KCNK2: variants seen among roughly 807,000 people sequenced by gnomAD.
KCNK2 encodes potassium channel subfamily K member 2.
Under a neutral mutation model 40.5 loss-of-function variants are expected in KCNK2, and 21 were observed. The ratio of observed to expected loss-of-function variants is 0.52; its 90% CI spans 0.37 to 0.75. The LOEUF is 0.75. KCNK2 is among the 30% of genes least tolerant of loss of function. KCNK2 has a pLI of 0.00. For synonymous variants in KCNK2, 191 were observed against 202.2 expected (o/e 0.94, Z 0.47); for missense variants, 399 against 531.6 (o/e 0.75, Z 2.45).
rs545748018 is a variant in KCNK2, at chr1:215,129,045, C to T, written c.475+4295C>T. 2.6e-5 allele frequency among the ~76,000 whole-genome samples: 4 copies of T among 152,198 alleles called. No homozygotes were observed. In the South Asian group the frequency reaches 8.3e-4, roughly 32 times the overall value. ...ACCCAGGGAAGGAGGGATGTATTGA[C>T]TGGGATGATTGGAGTTGGTGTGGAA... On this transcript the variant is annotated intron_variant, in intron 3 of 6. Coordinates refer to ENST00000444842, the MANE Select transcript of KCNK2 (RefSeq NM_001017425.3).
intron 2 of KCNK2, among the ~76,000 whole-genome samples, chr1:215,109,514 C>T (rs1558095069): frequency 2.0e-5 from 3 of 151,950 alleles, no homozygotes; most frequent in Admixed American, 6.6e-5. Context: ...CCAGTTCTAT[C>T]CGTGTTGCTA....
rs570453640 is a variant in KCNK2, at chr1:215,236,585, T to C, written c.*1440T>C. 1.3e-5 allele frequency: 2 copies of C among 152,738 alleles called. No homozygotes were observed. Among genetic ancestry groups the C allele is most frequent in the Admixed American group, 6.5e-5 (1 of 15,286 alleles). The allele number at this position is 152,738 out of a possible 1,614,324, so 9.5% of individuals were successfully genotyped here. A position where few individuals can be genotyped will look rare whatever the true frequency, so the allele number is the denominator to read the frequency against. ...TTTAATTTTATATCCTGTAATTCTT[T>C]GGATGGTTCCAAGATTCAGAAAAAA... On this transcript the variant is annotated 3_prime_UTR_variant, in exon 7 of 7. Transcript: ENST00000444842.
intron 6 of KCNK2, among the ~76,000 whole-genome samples, chr1:215,232,822 A>G (rs1666725592): frequency 6.6e-6 from 1 of 152,238 alleles, no homozygotes; most frequent in Admixed American, 6.5e-5. Context: ...GGTAACCAAA[A>G]TAAACCTGAT....
intron 1 of KCNK2, among the ~76,000 whole-genome samples, chr1:215,062,633 T>G (rs1280632297): frequency 6.6e-6 from 1 of 151,228 alleles, no homozygotes; most frequent in Non-Finnish European, 1.5e-5. Context: ...GCTTAGAGTT[T>G]TATTTATGAT....
chr1:215,045,913 T>C (rs1657751304), intron 1 of KCNK2, among the ~76,000 whole-genome samples: 1 of 151,292 alleles, frequency 6.6e-6, no homozygotes, highest in Non-Finnish European at 1.5e-5. Flanking sequence ...AATTACTCTG[T>C]TGAAGAATTC....
chr1:215,085,952 C>T lies in KCNK2; in HGVS notation c.47-416C>T, dbSNP rs542530917. On this transcript the variant is annotated intron_variant, in intron 1 of 6. Coordinates refer to ENST00000444842, the MANE Select transcript of KCNK2 (RefSeq NM_001017425.3). ...GCTTGTGATATAAAGTTCTTGAGAACGAGAATAACCATGAGCCGTCTTCCT... is the reference window on the plus strand; with the variant it reads ...GCTTGTGATATAAAGTTCTTGAGAATGAGAATAACCATGAGCCGTCTTCCT... 9.4e-4 allele frequency among the ~76,000 whole-genome samples: 143 copies of T among 152,144 alleles called. 1 individual carries two copies. The highest frequency in any genetic ancestry group is 3.3e-3 in the African/African-American group (135 of 41,512).
chr1:215,012,406 T>G (rs1451950236), intron 1 of KCNK2, among the ~76,000 whole-genome samples: 1 of 152,132 alleles, frequency 6.6e-6, no homozygotes, highest in African/African-American at 2.4e-5. Flanking sequence ...TTGAATATCT[T>G]TTCATGTGTT....
intron 3 of KCNK2, among the ~76,000 whole-genome samples, chr1:215,148,346 A>T (rs578184648): frequency 1.3e-5 from 2 of 151,914 alleles, no homozygotes; most frequent in South Asian, 2.1e-4. Context: ...AAGTGCTGAG[A>T]TTACAGGCAT....
chr1:215,022,010 G>A (rs985728568), intron 1 of KCNK2, among the ~76,000 whole-genome samples: 1 of 150,202 alleles, frequency 6.7e-6, no homozygotes, highest in Non-Finnish European at 1.5e-5. Flanking sequence ...CAACTGTATT[G>A]TACCACCAGT....
chr1:215,012,133 G>T (rs1656420829), intron 1 of KCNK2, among the ~76,000 whole-genome samples: 1 of 152,104 alleles, frequency 6.6e-6, no homozygotes, highest in Non-Finnish European at 1.5e-5. Context: ...TAGTTTTTTT[G>T]TATAAATGCA....
intron 6 of KCNK2, among the ~76,000 whole-genome samples, chr1:215,207,213 G>A (rs1354582182): frequency 6.6e-6 from 1 of 152,200 alleles, no homozygotes. Context: ...CACAGCAGGA[G>A]GTGAACGGTG....
upstream of KCNK2, among the ~76,000 whole-genome samples, chr1:215,080,310 G>A (rs967699079): frequency 3.3e-5 from 5 of 152,116 alleles, no homozygotes; most frequent in Non-Finnish European, 5.9e-5. Flanking sequence ...AAACTCGGAG[G>A]GGGGAATGAA....
chr1:215,125,643 T>C (rs1661387789), intron 3 of KCNK2, among the ~76,000 whole-genome samples: 2 of 151,368 alleles, frequency 1.3e-5, no homozygotes, highest in Admixed American at 6.6e-5. Context: ...ATGTAAATGA[T>C]GAGTTAATGG....
intron 1 of KCNK2, among the ~76,000 whole-genome samples, chr1:215,060,312 C>A (rs1658323792): frequency 6.6e-6 from 1 of 152,168 alleles, no homozygotes; most frequent in Non-Finnish European, 1.5e-5. Flanking sequence ...CAGGCTGATA[C>A]TTCAGAGGCA....
At position 215,172,006 on chromosome 1, in the gene KCNK2, G is replaced by A. The variant is rs1663734401; in HGVS notation, c.646G>A (p.Val216Ile). The A allele has an allele frequency of 1.2e-6, 2 of 1,610,922 alleles. No homozygotes were observed. Among genetic ancestry groups the A allele is most frequent in the Non-Finnish European group, 1.7e-6 (2 of 1,178,082 alleles). The change falls in exon 5 of 7, where the codon GTT becomes ATT. Residue 216 changes from valine (V) to isoleucine (I), a missense_variant. This residue lies in a region of KCNK2 where 279 missense variants were observed against 353.8 expected (regional missense o/e 0.79). Coordinates refer to ENST00000444842, the MANE Select transcript of KCNK2 (RefSeq NM_001017425.3). Reference sequence around the variant, plus strand: ...TCTGTCTCATCCCTAGAAGTGGAATGTTAGTCAGACCAAGATTCGCATCAT... The same window carrying A: ...TCTGTCTCATCCCTAGAAGTGGAATATTAGTCAGACCAAGATTCGCATCAT... ...KVEDTFIKWN[V>I]SQTKIRIIST... is the part of the protein sequence containing the mutation.
At chr1:215,010,855 T>TTG (rs1374797427) in intron 1 of KCNK2, among the ~76,000 whole-genome samples, 89 of 84,390 alleles carry the variant, frequency 1.1e-3, no homozygotes, top group South Asian at 5.7e-3. Flanking sequence ...ACACAGATTT[T>TTG]TTTTTTTTTT....
intron 6 of KCNK2, among the ~76,000 whole-genome samples, chr1:215,209,972 TATATATATTATATATAATATATA>T (rs200121273): frequency 0.63 from 36,603 of 57,750 alleles, 9,523 homozygotes; most frequent in Non-Finnish European, 0.69. Context: ...TTATATATAT[TATATATATTATATATAATATATA>T]ATATATATTA....
intron 1 of KCNK2, among the ~76,000 whole-genome samples, chr1:215,041,053 A>G (rs985366101): frequency 6.6e-6 from 1 of 152,134 alleles, no homozygotes; most frequent in African/African-American, 2.4e-5. Context: ...CTCCTCATCT[A>G]CCATCTTATT....
intron 1 of KCNK2, among the ~76,000 whole-genome samples, chr1:215,059,298 AC>A (rs1658287615): frequency 6.6e-6 from 1 of 152,072 alleles, no homozygotes; most frequent in African/African-American, 2.4e-5. Context: ...CCTAATTATT[AC>A]TTTAGTGAAC....
Sources: allele counts gnomAD v4.1 joint callset (sites outside exome capture counted in the v4.1 genomes callset), GRCh38; gene constraint gnomAD v4.1.1; regional missense constraint gnomAD v4.1.1; transcripts MANE v1.5; gene names NCBI Gene and HGNC (gene_info 2026-07-23, HGNC 2026-07-21).